ARHGEF7: variants seen among roughly 807,000 people sequenced by gnomAD.
ARHGEF7 encodes the protein PAK-interacting exchange factor beta.
In ARHGEF7, 33 loss-of-function variants were observed where a neutral mutation model predicts 109.8. The observed-to-expected ratio is 0.30, with a 90% CI of 0.23 to 0.40. The LOEUF (loss-of-function observed/expected upper bound fraction) is 0.40. Ranked by LOEUF, ARHGEF7 falls within the 10% of genes least tolerant of loss-of-function variation. ARHGEF7 has a pLI of 1.00. For synonymous variants in ARHGEF7, 458 were observed against 424.6 expected (o/e 1.08, Z -0.97); for missense variants, 938 against 1,098.5 (o/e 0.85, Z 2.07).
intron 2 of ARHGEF7, among the ~76,000 whole-genome samples, chr13:111,167,252 G>A (rs114839522): frequency 4.9e-4 from 75 of 152,278 alleles, no homozygotes; most frequent in African/African-American, 1.5e-3. Context: ...CTATTTGTAC[G>A]TGAGCTTAGA....
chr13:111,115,621 A>G lies in ARHGEF7; in HGVS notation c.95A>G (p.Gln32Arg). Reference protein sequence around the residue: ...KTISDPEGFLQASLKDGVVLC... With the variant: ...KTISDPEGFLRASLKDGVVLC... ...ATCTCGGACCCGGAGGGCTTTCTGCAGGCGTCGCTGAAGGATGGGGTGGTC... is the reference window on the plus strand; with the variant it reads ...ATCTCGGACCCGGAGGGCTTTCTGCGGGCGTCGCTGAAGGATGGGGTGGTC... The change falls in exon 1 of 22, where the codon CAG (glutamine) becomes CGG (arginine). Residue 32 changes from glutamine to arginine, a missense_variant. Gln to Arg is a conservative substitution (Grantham distance 43, BLOSUM62 1). Around this residue, in one of 4 missense-constraint regions of ARHGEF7, gnomAD observed 165 missense variants for 125.8 expected, o/e 1.31. Coordinates refer to ENST00000646102, the MANE Select transcript of ARHGEF7 (RefSeq NM_001354046.2). 3 of 1,400,996 alleles carry G rather than the reference A, an allele frequency of 2.1e-6. No homozygotes were observed. The highest frequency in any genetic ancestry group is 1.9e-6 in the Non-Finnish European group (2 of 1,061,278). 86.8% of individuals were successfully genotyped at this position (1,400,996 alleles called of 1,614,324 possible).
chr13:111,129,965 G>C (rs955753008), intron 1 of ARHGEF7, among the ~76,000 whole-genome samples: 4 of 152,174 alleles, frequency 2.6e-5, no homozygotes, highest in African/African-American at 9.7e-5. Context: ...CCACAAACTG[G>C]AAATAATGCA....
At chr13:111,207,343 A>G (rs1314956759) in intron 3 of ARHGEF7, among the ~76,000 whole-genome samples, 4 of 152,038 alleles carry the variant, frequency 2.6e-5, no homozygotes, top group Non-Finnish European at 1.5e-5. Flanking sequence ...TAATTTTTGC[A>G]TATTTGTAGA....
At chr13:111,222,054 G>A (rs534264370) in intron 5 of ARHGEF7, among the ~76,000 whole-genome samples, 2 of 152,214 alleles carry the variant, frequency 1.3e-5, no homozygotes, top group South Asian at 2.1e-4. Flanking sequence ...ATTAGGTGGT[G>A]CCCAGCAGCT....
At chr13:111,256,478 C>A (rs1472014951) in intron 8 of ARHGEF7, among the ~76,000 whole-genome samples, 2 of 152,224 alleles carry the variant, frequency 1.3e-5, no homozygotes, top group East Asian at 3.8e-4. Flanking sequence ...TTCAGTGTCA[C>A]AACCAGTTGT....
At chr13:111,262,350 A>G (rs562004717) in intron 8 of ARHGEF7, among the ~76,000 whole-genome samples, 3 of 152,206 alleles carry the variant, frequency 2.0e-5, no homozygotes, top group Non-Finnish European at 2.9e-5. Flanking sequence ...TTGGTAGTCA[A>G]CAAGAGAGAC....
At chr13:111,232,605 A>G (rs1555755) in intron 5 of ARHGEF7, among the ~76,000 whole-genome samples, 118,482 of 152,088 alleles carry the variant, frequency 0.78, 46,362 homozygotes, top group South Asian at 0.89. Flanking sequence ...TTAAAACATC[A>G]GAATCCTTGC....
intron 2 of ARHGEF7, chr13:111,187,038 G>A (rs562414054): frequency 2.0e-6 from 2 of 985,184 alleles, no homozygotes; most frequent in African/African-American, 1.7e-5. Context: ...GTTGGTGTGG[G>A]TATTGGGAGG....
intron 2 of ARHGEF7, among the ~76,000 whole-genome samples, chr13:111,171,621 T>C (rs1202106723): frequency 6.6e-6 from 1 of 152,240 alleles, no homozygotes; most frequent in Non-Finnish European, 1.5e-5. Flanking sequence ...AACATCAGTG[T>C]GATCTTTGAA....
rs1322962413 is a variant in ARHGEF7, at chr13:111,303,156, G to A, written c.*43G>A. ...TTCTGTTGAAGACCAGTTCTGAGGT[G>A]AAGCTGGGCACCCCTGACCCAAGTC... On this transcript the variant is annotated 3_prime_UTR_variant, in exon 22 of 22. Coordinates refer to ENST00000646102, the MANE Select transcript of ARHGEF7 (RefSeq NM_001354046.2). 1 of 1,470,966 alleles carries A rather than the reference G, an allele frequency of 6.8e-7. No individual in the cohort carries two copies. The highest frequency in any genetic ancestry group is 9.2e-7 in the Non-Finnish European group (1 of 1,092,034). 91.1% of individuals were successfully genotyped at this position (1,470,966 alleles called of 1,614,324 possible). A position where few individuals can be genotyped will look rare whatever the true frequency, so the allele number is the denominator to read the frequency against.
intron 5 of ARHGEF7, among the ~76,000 whole-genome samples, chr13:111,223,761 T>C (rs2084793034): frequency 6.6e-6 from 1 of 152,248 alleles, no homozygotes; most frequent in Non-Finnish European, 1.5e-5. Context: ...TTCCTGAATA[T>C]GTACAGTACA....
At chr13:111,288,888 CT>C (rs1405051793) in intron 18 of ARHGEF7, among the ~76,000 whole-genome samples, 4 of 152,100 alleles carry the variant, frequency 2.6e-5, no homozygotes, top group African/African-American at 4.8e-5. Flanking sequence ...AGCAAGGTTT[CT>C]TTTAGCCTTT....
intron 1 of ARHGEF7, among the ~76,000 whole-genome samples, chr13:111,147,717 A>G (rs2075673949): frequency 2.0e-5 from 1 of 50,708 alleles, no homozygotes; most frequent in East Asian, 5.5e-4. Flanking sequence ...TTTTTTTTTG[A>G]GACGGAGTCT....
rs187230502 is a variant in ARHGEF7, at chr13:111,261,212, C to A, written c.951-6336C>A. Among the ~76,000 whole-genome samples, 61 of 151,262 alleles carry A rather than the reference C, an allele frequency of 4.0e-4. No individual in the cohort carries two copies. The East Asian group carries it at 0.01, about 26-fold the overall frequency. ...GAGTGGCTGAATGGATTAAAAAAAACCAAAAAGACAAAAAACCCAATGATC... is the reference window on the plus strand; with the variant it reads ...GAGTGGCTGAATGGATTAAAAAAAAACAAAAAGACAAAAAACCCAATGATC... On this transcript the variant is annotated intron_variant, in intron 8 of 21. Transcript: ENST00000646102.
chr13:111,301,557 C>G (rs1567135806), intron 21 of ARHGEF7, 25 bp downstream of exon 21: 1 of 1,557,238 alleles, frequency 6.4e-7, no homozygotes, highest in Non-Finnish European at 8.8e-7. Flanking sequence ...ATCTTTAAAT[C>G]TTTTTTTTCT....
Position 111,195,906 on chromosome 13 carries a change from GCCTATT to G in ARHGEF7, c.253-9379_253-9374del, listed in dbSNP as rs1345749624. On this transcript the variant is annotated intron_variant, in intron 2 of 21. Coordinates refer to ENST00000646102, the MANE Select transcript of ARHGEF7 (RefSeq NM_001354046.2). ...TCTCTGATCTCGCTTTTCCTTTTGG[GCCTATT>G]CCTCTTGGTCCCTATTATAGAACAC... Among the ~76,000 whole-genome samples, 5 of 152,154 alleles carry G rather than the reference GCCTATT, an allele frequency of 3.3e-5. No homozygotes were observed. In the East Asian group the frequency reaches 9.6e-4, roughly 29 times the overall value.
Position 111,266,965 on chromosome 13 carries a change from A to T in ARHGEF7, c.951-583A>T, listed in dbSNP as rs1188876458. 3 of 452,878 alleles carry T rather than the reference A, an allele frequency of 6.6e-6. No individual in the cohort carries two copies. Among genetic ancestry groups the T allele is most frequent in the Non-Finnish European group, 1.3e-5 (3 of 224,172 alleles). 28.1% of individuals were successfully genotyped at this position (452,878 alleles called of 1,614,324 possible). The stretch of plus-strand genomic sequence containing the variant: ...GCCCTGATGCCCACAGCTTGTGCCG[A>T]CTTGTCACCCCTCATGCAGCTTCCA... On this transcript the variant is annotated intron_variant, in intron 8 of 21. Transcript: ENST00000646102. The surrounding 1 kb of genome is among the most constrained non-coding windows in gnomAD (Gnocchi z 4.8).
intron 1 of ARHGEF7, among the ~76,000 whole-genome samples, chr13:111,148,319 C>T (rs1417881019): frequency 6.6e-6 from 1 of 152,242 alleles, no homozygotes; most frequent in African/African-American, 2.4e-5. Flanking sequence ...CAGTGTGACA[C>T]AACATATTTG....
chr13:111,284,908 C>T (rs986101931), intron 16 of ARHGEF7, among the ~76,000 whole-genome samples: 4 of 152,238 alleles, frequency 2.6e-5, no homozygotes, highest in Non-Finnish European at 5.9e-5. Flanking sequence ...CTTCAAGGCT[C>T]TCCATCTCAA....
Sources: gnomAD v4.1 joint callset for allele counts (sites outside exome capture counted in the v4.1 genomes callset) on GRCh38, gnomAD v4.1.1 for gene constraint, gnomAD v4.1.1 regional missense constraint, Gnocchi (gnomAD v3.1) non-coding constraint, MANE v1.5 for transcripts, NCBI Gene and HGNC (gene_info 2026-07-23, HGNC 2026-07-21) for gene names.